The following NAA11 variants were observed in gnomAD, a reference collection of about 807,000 sequenced individuals.
NAA11 encodes the protein N-alpha-acetyltransferase 11.
Under a neutral mutation model 16.1 loss-of-function variants are expected in NAA11, and 15 were observed. The ratio of observed to expected loss-of-function variants is 0.93; its 90% CI spans 0.62 to 1.44. The LOEUF is 1.44. Among genes scored for constraint, NAA11 ranks in the 40% most tolerant of loss-of-function variants. The probability of loss-of-function intolerance (pLI) is 0.00; values close to 1 mark genes in which losing one functional copy is unlikely to be tolerated. For synonymous variants in NAA11, 122 were observed against 112.4 expected, an observed-to-expected ratio of 1.09 and a Z score of -0.54; for missense variants, 298 against 291.3, an observed-to-expected ratio of 1.02 and a Z score of -0.17.
downstream of NAA11, among the ~76,000 whole-genome samples, chr4:79,312,543 C>T (rs1723804144): frequency 1.4e-5 from 2 of 145,886 alleles, no homozygotes; most frequent in Non-Finnish European, 3.0e-5. Flanking sequence ...CTCAGCTACT[C>T]GGGAGGCTGA....
chr4:79,196,520 TTTTAGGGGACTTGTCCAA>T, the NAA11 span, among the ~76,000 whole-genome samples: 1 of 151,948 alleles, frequency 6.6e-6, no homozygotes, highest in African/African-American at 2.4e-5. Context: ...ATAATTGAAA[TTTTAGGGGACTTGTCCAA>T]TTTACTATTT....
chr4:79,263,840 C>CT, intron 2 of NAA11, among the ~76,000 whole-genome samples: 1 of 152,298 alleles, frequency 6.6e-6, no homozygotes, highest in East Asian at 1.9e-4. Context: ...TTCACTTCCA[C>CT]TTTATCTTCA....
At chr4:79,309,989 A>G (rs1312707118) in intron 1 of NAA11, among the ~76,000 whole-genome samples, 1 of 152,122 alleles carries the variant, frequency 6.6e-6, no homozygotes, top group Non-Finnish European at 1.5e-5. Context: ...TGCTGGGATT[A>G]CAGGCGTGAG....
chr4:79,242,023 C>G (rs1257146096), intron 2 of NAA11, among the ~76,000 whole-genome samples: 1 of 152,170 alleles, frequency 6.6e-6, no homozygotes, highest in Non-Finnish European at 1.5e-5. Context: ...CTTTTCTCTG[C>G]TATTCCAATG....
intron 2 of NAA11, among the ~76,000 whole-genome samples, chr4:79,243,360 GTCATATGGGAT>G (rs1221126902): frequency 6.6e-6 from 1 of 152,190 alleles, no homozygotes; most frequent in Non-Finnish European, 1.5e-5. Context: ...TGACAAAATT[GTCATATGGGAT>G]TCATGTCCAT....
At chr4:79,246,402 A>AAAAAAAAAAAAAAAAAGAAAG (rs1721834507) in intron 2 of NAA11, among the ~76,000 whole-genome samples, 1 of 34,644 alleles carries the variant, frequency 2.9e-5, no homozygotes, top group African/African-American at 1.0e-4. Flanking sequence ...AAAAAAAAGA[A>AAAAAAAAAAAAAAAAAGAAAG]AAAATAAGAA....
At chr4:79,283,737 A>G (rs1396755799) in intron 2 of NAA11, among the ~76,000 whole-genome samples, 3 of 152,156 alleles carry the variant, frequency 2.0e-5, no homozygotes, top group South Asian at 2.1e-4. Flanking sequence ...ATCTATGCAT[A>G]TCATTCAAGT....
the NAA11 span, among the ~76,000 whole-genome samples, chr4:79,189,068 CCCGGGA>C: frequency 7.0e-6 from 1 of 142,520 alleles, no homozygotes; most frequent in Non-Finnish European, 1.5e-5. Context: ...ACCGCGTGAA[CCCGGGA>C]GGCGGAGCTT....
At chr4:79,179,972 C>G in the NAA11 span, among the ~76,000 whole-genome samples, 1 of 152,114 alleles carries the variant, frequency 6.6e-6, no homozygotes, top group Non-Finnish European at 1.5e-5. Context: ...GGGGGAAGAG[C>G]CCCTCATGAA....
the NAA11 span, among the ~76,000 whole-genome samples, chr4:79,219,204 T>C: frequency 6.6e-6 from 1 of 152,110 alleles, no homozygotes; most frequent in Admixed American, 6.6e-5. Context: ...TCAATATGAG[T>C]GGAAGGCCAA....
chr4:79,311,490 T>C (rs1465556630), intron 1 of NAA11, among the ~76,000 whole-genome samples: 1 of 152,204 alleles, frequency 6.6e-6, no homozygotes, highest in Non-Finnish European at 1.5e-5. Flanking sequence ...TGAATTCAGA[T>C]TTCTATCATC....
At chr4:79,175,375 C>T in the NAA11 span, among the ~76,000 whole-genome samples, 3 of 152,072 alleles carry the variant, frequency 2.0e-5, no homozygotes, top group Non-Finnish European at 4.4e-5. Context: ...GATAATGACA[C>T]ATGAAATTAA....
chr4:79,162,140 T>A, the NAA11 span, among the ~76,000 whole-genome samples: 1 of 152,248 alleles, frequency 6.6e-6, no homozygotes, highest in East Asian at 1.9e-4. Context: ...ATTGCTAGTA[T>A]GTAGAAATAT....
At chr4:79,252,213 T>C (rs368613428) in intron 2 of NAA11, among the ~76,000 whole-genome samples, 2 of 152,156 alleles carry the variant, frequency 1.3e-5, no homozygotes, top group Non-Finnish European at 2.9e-5. Context: ...GAATGAGTGA[T>C]GAAAAATTAC....
the NAA11 span, among the ~76,000 whole-genome samples, chr4:79,157,993 C>T: frequency 6.0e-4 from 91 of 151,472 alleles, no homozygotes; most frequent in East Asian, 6.8e-3. Flanking sequence ...GTCTCCCTCC[C>T]GGGTTCACGC....
chr4:79,171,888 G>A, the NAA11 span, among the ~76,000 whole-genome samples: 14 of 152,230 alleles, frequency 9.2e-5, no homozygotes, highest in Non-Finnish European at 1.3e-4. Flanking sequence ...ACATTTGGTT[G>A]ATCTGCTATT....
At chr4:79,220,770 A>T (rs1287716104), downstream of NAA11, among the ~76,000 whole-genome samples, 3 of 152,138 alleles carry the variant, frequency 2.0e-5, no homozygotes, top group African/African-American at 7.2e-5. Flanking sequence ...TGTTTTGGTT[A>T]CTGTAGCCTT....
At chr4:79,253,527 TGAAGA>T (rs1722039102) in intron 2 of NAA11, among the ~76,000 whole-genome samples, 1 of 151,792 alleles carries the variant, frequency 6.6e-6, no homozygotes, top group Non-Finnish European at 1.5e-5. Flanking sequence ...GAGAACCAGT[TGAAGA>T]GAAGAGAAGT....
the NAA11 span, among the ~76,000 whole-genome samples, chr4:79,190,232 G>A: frequency 1.4e-4 from 22 of 152,004 alleles, no homozygotes; most frequent in East Asian, 2.5e-3. Context: ...AATTGAATTC[G>A]TTTGAAGAAA....
Sources: allele counts gnomAD v4.1 joint callset (sites outside exome capture counted in the v4.1 genomes callset), GRCh38; gene constraint gnomAD v4.1.1; transcripts MANE v1.5; gene names NCBI Gene and HGNC (gene_info 2026-07-23, HGNC 2026-07-21).